The following COPS3 variants were observed in gnomAD, a reference collection of about 807,000 sequenced individuals.
COPS3 encodes the protein COP9 signalosome complex subunit 3.
In COPS3, 10 loss-of-function variants were observed where a neutral mutation model predicts 58.2. The ratio of observed to expected loss-of-function variants is 0.17; its 90% CI spans 0.11 to 0.29. COPS3 has a LOEUF of 0.29. Among genes scored for constraint, COPS3 ranks in the 10% least tolerant of loss-of-function variants. COPS3 has a pLI of 1.00. For synonymous variants in COPS3, 187 were observed against 181.7 expected (o/e 1.03, Z -0.24); for missense variants, 333 against 510.1 (o/e 0.65, Z 3.34).
chr17:17,281,243 C>G lies in COPS3; in HGVS notation c.-57G>C. ...CAGCACGCGCGGGAAAAGGCTGCCG[C>G]TCTGGGAGGAGGGGCCGCGGCGATC... On this transcript the variant is annotated 5_prime_UTR_variant, in exon 1 of 12. Transcript: ENST00000268717. 1.9e-6 allele frequency: 3 copies of G among 1,569,402 alleles called. No individual in the cohort carries two copies. Among genetic ancestry groups the G allele is most frequent in the South Asian group, 2.3e-5 (2 of 86,748 alleles).
chr17:17,260,098 T>C (rs1241641210), intron 8 of COPS3, among the ~76,000 whole-genome samples: 1 of 152,164 alleles, frequency 6.6e-6, no homozygotes, highest in Non-Finnish European at 1.5e-5. Context: ...CTGCTCCAAA[T>C]ACCCTGCTCT....
At chr17:17,264,220 C>G (rs908058888) in intron 6 of COPS3, among the ~76,000 whole-genome samples, 1 of 152,204 alleles carries the variant, frequency 6.6e-6, no homozygotes, top group Non-Finnish European at 1.5e-5. Flanking sequence ...TAGGAACTTA[C>G]GAACATCTAA....
intron 11 of COPS3, 152 bp from the exon 12 acceptor site, chr17:17,247,303 T>C (rs2047745037): frequency 1.1e-6 from 1 of 952,040 alleles, no homozygotes. Flanking sequence ...TAAGCATCCC[T>C]AAGTGTACTT....
intron 8 of COPS3, among the ~76,000 whole-genome samples, chr17:17,259,683 A>G (rs565863565): frequency 6.6e-6 from 1 of 152,202 alleles, no homozygotes; most frequent in Non-Finnish European, 1.5e-5. Flanking sequence ...TCACATGAGC[A>G]CAGGGGTTCG....
rs1597666048 is a variant in COPS3 at position 17,255,496 on chromosome 17, G to T, written c.937-551C>A. ...GCAAGACTCTATTTCAAAAAAAAAA[G>T]TGTACAGAGCTCTTCCCATTGATGT... On this transcript the variant is annotated intron_variant, in intron 8 of 11. Transcript: ENST00000268717. Among the ~76,000 whole-genome samples, 2 of 52,896 alleles carry T rather than the reference G, an allele frequency of 3.8e-5. 1 individual carries two copies. Among genetic ancestry groups the T allele is most frequent in the South Asian group, 1.1e-3 (2 of 1,760 alleles). The allele number at this position is 52,896 out of a possible 152,430, so 34.7% of individuals were successfully genotyped here.
At chr17:17,254,013 TA>T (rs1322709823) in intron 9 of COPS3, among the ~76,000 whole-genome samples, 1 of 146,060 alleles carries the variant, frequency 6.8e-6, no homozygotes, top group Non-Finnish European at 1.5e-5. Flanking sequence ...AAGAAAATAA[TA>T]AGGAGTACAG....
chr17:17,281,090 C>T, intron 1 of COPS3, 42 bp downstream of exon 1: 4 of 1,591,742 alleles, frequency 2.5e-6, no homozygotes, highest in Non-Finnish European at 3.4e-6. Flanking sequence ...AGGCCAGTTC[C>T]CGGTACCCGC....
At chr17:17,268,991 C>T (rs1379962245) in intron 4 of COPS3, among the ~76,000 whole-genome samples, 1 of 152,032 alleles carries the variant, frequency 6.6e-6, no homozygotes, top group Non-Finnish European at 1.5e-5. Flanking sequence ...TATTTTCAGC[C>T]TCTTTCAAAC....
At chr17:17,276,300 TC>T in intron 1 of COPS3, 136 bp from the exon 2 acceptor site, 1 of 1,160,590 alleles carries the variant, frequency 8.6e-7, no homozygotes, top group Non-Finnish European at 1.2e-6. Flanking sequence ...CGGATGAGGA[TC>T]CAGAAGGACC....
chr17:17,265,615 T>G (rs1461081470), intron 5 of COPS3, among the ~76,000 whole-genome samples: 2 of 152,118 alleles, frequency 1.3e-5, no homozygotes, highest in Admixed American at 6.6e-5. Flanking sequence ...GCCAGGCTGG[T>G]CTCGAACTCC....
Position 17,247,566 on chromosome 17 carries a change from T to C in COPS3, c.1138-6A>G. 1 of 1,614,156 alleles carries C rather than the reference T, an allele frequency of 6.2e-7. No homozygotes were observed. Among genetic ancestry groups the C allele is most frequent in the East Asian group, 2.2e-5 (1 of 44,882 alleles). ...AGCTCAATGCACTTCAGCATCTGCATGACAGGCACATTAGAAGGTGGTCAG... is the reference window on the plus strand; with the variant it reads ...AGCTCAATGCACTTCAGCATCTGCACGACAGGCACATTAGAAGGTGGTCAG... On this transcript the variant is annotated splice_region_variant and splice_polypyrimidine_tract_variant and intron_variant, in intron 10 of 11. Coordinates refer to ENST00000268717, the MANE Select transcript of COPS3 (RefSeq NM_003653.4).
intron 1 of COPS3, 138 bp from the exon 2 acceptor site, chr17:17,276,302 CAGA>C (rs1317206964): frequency 1.8e-6 from 2 of 1,106,984 alleles, no homozygotes; most frequent in Non-Finnish European, 2.6e-6. Flanking sequence ...GATGAGGATC[CAGA>C]AGGACCAGAG....
chr17:17,273,544 C>T (rs1317737211), intron 2 of COPS3, among the ~76,000 whole-genome samples: 1 of 151,978 alleles, frequency 6.6e-6, no homozygotes, highest in Non-Finnish European at 1.5e-5. Context: ...CATAGCAAGA[C>T]CCCATCTCTA....
At chr17:17,268,825 AC>A (rs771801305) in intron 4 of COPS3, among the ~76,000 whole-genome samples, 77 of 141,508 alleles carry the variant, frequency 5.4e-4, no homozygotes, top group Non-Finnish European at 9.9e-4. Context: ...TCTCAAAAAA[AC>A]AACAACAACA....
chr17:17,277,124 CCTT>C (rs2048476613), intron 1 of COPS3, among the ~76,000 whole-genome samples: 1 of 152,172 alleles, frequency 6.6e-6, no homozygotes, highest in African/African-American at 2.4e-5. Flanking sequence ...TGTTCTCTGT[CCTT>C]CTCCCCCACA....
intron 2 of COPS3, among the ~76,000 whole-genome samples, chr17:17,275,483 C>T (rs1023870043): frequency 2.0e-5 from 3 of 151,892 alleles, no homozygotes; most frequent in Non-Finnish European, 2.9e-5. Flanking sequence ...TCTTTATGCC[C>T]GGATACATAA....
chr17:17,254,908 C>T lies in COPS3; in HGVS notation c.974G>A (p.Arg325His). ...CTCCTGAGGTCCAGACAACTGCACACGACTTGCCATATCTTGTAATGATAG... is the reference window on the plus strand; with the variant it reads ...CTCCTGAGGTCCAGACAACTGCACATGACTTGCCATATCTTGTAATGATAG... ...LTLSLQDMAS[R>H]VQLSGPQEAE... The change falls in exon 9 of 12, where the codon CGT (arginine) becomes CAT (histidine). Residue 325 changes from arginine to histidine, a missense_variant. Arg to His is a conservative substitution (Grantham distance 29). Transcript: ENST00000268717. The T allele has an allele frequency of 2.5e-6, 4 of 1,612,852 alleles. No homozygotes were observed. Among genetic ancestry groups the T allele is most frequent in the Non-Finnish European group, 3.4e-6 (4 of 1,179,514 alleles).
intron 8 of COPS3, among the ~76,000 whole-genome samples, chr17:17,255,795 G>A (rs150564546): frequency 1.2e-3 from 174 of 150,816 alleles, no homozygotes; most frequent in Non-Finnish European, 2.0e-3. Context: ...AGCCGAGATC[G>A]CGTGATTCAC....
At chr17:17,259,900 G>A (rs993181078) in intron 8 of COPS3, among the ~76,000 whole-genome samples, 6 of 147,166 alleles carry the variant, frequency 4.1e-5, no homozygotes, top group Non-Finnish European at 4.5e-5. Context: ...TGTCAAGAGA[G>A]AAAAAAAAAA....
Sources: gnomAD v4.1 joint callset for allele counts (sites outside exome capture counted in the v4.1 genomes callset) on GRCh38, gnomAD v4.1.1 for gene constraint, MANE v1.5 for transcripts, NCBI Gene and HGNC (gene_info 2026-07-23, HGNC 2026-07-21) for gene names.